Variants in RALYL observed in about 807,000 individuals in gnomAD.
RALYL encodes the protein RNA-binding Raly-like protein.
In RALYL, 29 loss-of-function variants were observed where a neutral mutation model predicts 35.1. That is an observed-to-expected ratio of 0.83 (90% CI 0.61 to 1.13). The LOEUF is 1.13. Among genes scored for constraint, RALYL ranks in the 50% most tolerant of loss-of-function variants. The probability of loss-of-function intolerance (pLI) is 0.00; values close to 1 mark genes in which losing one functional copy is unlikely to be tolerated. For synonymous variants in RALYL, 120 were observed against 127.6 expected, an observed-to-expected ratio of 0.94 and a Z score of 0.40; for missense variants, 359 against 360.4, an observed-to-expected ratio of 1.00 and a Z score of 0.03.
chr8:84,727,422 T>G (rs1845176144), intron 2 of RALYL, among the ~76,000 whole-genome samples: 1 of 152,102 alleles, frequency 6.6e-6, no homozygotes, highest in Non-Finnish European at 1.5e-5. Flanking sequence ...ATCTTTCTTA[T>G]TCCAGAGGAC....
chr8:84,468,183 A>G (rs1209826030), intron 1 of RALYL, among the ~76,000 whole-genome samples: 1 of 151,756 alleles, frequency 6.6e-6, no homozygotes, highest in Non-Finnish European at 1.5e-5. Context: ...TGATCCTGTC[A>G]TTATGATTAT....
Position 84,220,116 on chromosome 8 carries a change from AC to A in RALYL, c.-24+35694del, listed in dbSNP as rs1166973568. On this transcript the variant is annotated intron_variant, in intron 1 of 8. Coordinates refer to ENST00000521268, the MANE Select transcript of RALYL (RefSeq NM_173848.7). ...TGGATATGGTCAACCAGTGCTTCAT[AC>A]CAAGATAGCTAATTGTGTGTGGTAA... Among the ~76,000 whole-genome samples the A allele has an allele frequency of 1.2e-4, 19 of 152,148 alleles. 1 individual carries two copies. Among genetic ancestry groups the A allele is most frequent in the Non-Finnish European group, 2.8e-4 (19 of 67,964 alleles).
chr8:84,384,294 T>A (rs941103717), intron 1 of RALYL, among the ~76,000 whole-genome samples: 2 of 151,490 alleles, frequency 1.3e-5, no homozygotes, highest in Non-Finnish European at 3.0e-5. Flanking sequence ...AAAACGAAAA[T>A]CCTTTACAAA....
At chr8:84,187,220 G>T (rs899264315) in intron 1 of RALYL, among the ~76,000 whole-genome samples, 4 of 151,944 alleles carry the variant, frequency 2.6e-5, no homozygotes, top group East Asian at 1.9e-4. Flanking sequence ...AAATTTTCAA[G>T]AACTTTTTAT....
chr8:84,399,399 T>C (rs1230689435), intron 1 of RALYL, among the ~76,000 whole-genome samples: 1 of 152,160 alleles, frequency 6.6e-6, no homozygotes, highest in Non-Finnish European at 1.5e-5. Flanking sequence ...TACCAATAAG[T>C]GCAAACTCAA....
In RALYL at chr8:84,275,710, C is replaced by A. The variant is rs1264199687; in HGVS notation, c.-24+91286C>A. 2.6e-5 allele frequency among the ~76,000 whole-genome samples: 4 copies of A among 152,056 alleles called. No homozygotes were observed. In the East Asian group the frequency reaches 5.8e-4, roughly 22 times the overall value. On this transcript the variant is annotated intron_variant, in intron 1 of 8. Coordinates refer to ENST00000521268, the MANE Select transcript of RALYL (RefSeq NM_173848.7). ...TGCCAGCCTGCCCAACGCCTGGTAA[C>A]CAACATGCTACTTTCTACTCGGTGA... is the stretch of plus-strand genomic sequence containing the variant.
At chr8:84,784,122 C>T (rs1181550974) in intron 3 of RALYL, among the ~76,000 whole-genome samples, 3 of 152,144 alleles carry the variant, frequency 2.0e-5, no homozygotes, top group East Asian at 3.8e-4. Flanking sequence ...GCAGTTAGAA[C>T]CCTGTGCTCC....
intron 2 of RALYL, among the ~76,000 whole-genome samples, chr8:84,735,005 T>TTG (rs3068131): frequency 0.39 from 57,732 of 146,418 alleles, 11,687 homozygotes; most frequent in South Asian, 0.52. Context: ...ATAGATATGT[T>TTG]TGTGTGTGTG....
intron 1 of RALYL, among the ~76,000 whole-genome samples, chr8:84,492,075 A>G (rs180948637): frequency 3.3e-5 from 5 of 152,182 alleles, no homozygotes; most frequent in East Asian, 1.9e-4. Flanking sequence ...TATAAAAACT[A>G]TAAACTTTTT....
At chr8:84,792,620 C>T (rs777313239) in intron 3 of RALYL, among the ~76,000 whole-genome samples, 21 of 152,164 alleles carry the variant, frequency 1.4e-4, no homozygotes, top group Admixed American at 3.3e-4. Flanking sequence ...CCACCTTCTT[C>T]GACCCAGTAC....
intron 2 of RALYL, among the ~76,000 whole-genome samples, chr8:84,682,964 C>G (rs1315627407): frequency 1.3e-5 from 2 of 152,116 alleles, no homozygotes; most frequent in South Asian, 4.1e-4. Context: ...TTCCTGCTTT[C>G]TCCTGTGGGC....
intron 2 of RALYL, among the ~76,000 whole-genome samples, chr8:84,681,051 T>C (rs1188259949): frequency 2.0e-5 from 3 of 152,078 alleles, no homozygotes; most frequent in Admixed American, 2.0e-4. Context: ...AGGGATCCAG[T>C]TTCAGCTTTC....
At chr8:84,911,686 T>C (rs1252801485) in intron 8 of RALYL, among the ~76,000 whole-genome samples, 1 of 152,050 alleles carries the variant, frequency 6.6e-6, no homozygotes, top group Admixed American at 6.6e-5. Flanking sequence ...CACTCCCCCA[T>C]TTCATGTACC....
rs568995172 is a variant in RALYL at position 84,525,657 on chromosome 8, AT to A, written c.-23-3636del. On this transcript the variant is annotated intron_variant, in intron 1 of 8. Coordinates refer to ENST00000521268, the MANE Select transcript of RALYL (RefSeq NM_173848.7). Reference sequence around the variant, plus strand: ...ATATTAACTCACTGAGGCTCTGTATATTTTTTCAATGTTTTATCCCTATACT... The same window carrying A: ...ATATTAACTCACTGAGGCTCTGTATATTTTTCAATGTTTTATCCCTATACT... Among the ~76,000 whole-genome samples, 74 of 152,088 alleles carry A rather than the reference AT, an allele frequency of 4.9e-4. 1 individual carries two copies. The highest frequency in any genetic ancestry group is 9.0e-4 in the Non-Finnish European group (61 of 67,972).
chr8:84,697,962 A>G (rs1161497569), intron 2 of RALYL, among the ~76,000 whole-genome samples: 1 of 152,120 alleles, frequency 6.6e-6, no homozygotes, highest in African/African-American at 2.4e-5. Flanking sequence ...CCAAAATGAC[A>G]ATAACTCCAA....
chr8:84,263,172 T>C (rs1240805335), intron 1 of RALYL, among the ~76,000 whole-genome samples: 2 of 152,196 alleles, frequency 1.3e-5, no homozygotes, highest in Non-Finnish European at 2.9e-5. Context: ...AATTTTGGTC[T>C]TCAAAGTTCT....
intron 2 of RALYL, among the ~76,000 whole-genome samples, chr8:84,586,274 C>T (rs1811989536): frequency 6.6e-6 from 1 of 151,714 alleles, no homozygotes; most frequent in African/African-American, 2.4e-5. Context: ...CCTTGTTAAA[C>T]ACTATCATGT....
At chr8:84,253,480 G>A (rs970969733) in intron 1 of RALYL, among the ~76,000 whole-genome samples, 3 of 151,380 alleles carry the variant, frequency 2.0e-5, no homozygotes, top group Admixed American at 6.6e-5. Flanking sequence ...GATTACAGGC[G>A]TGAGCCACTG....
At chr8:84,836,743 T>C (rs1410217559) in intron 4 of RALYL, among the ~76,000 whole-genome samples, 2 of 152,206 alleles carry the variant, frequency 1.3e-5, no homozygotes, top group Admixed American at 6.5e-5. Context: ...AAGGATCCTG[T>C]AGATACACCT....
Sources: gnomAD v4.1 joint callset for allele counts (sites outside exome capture counted in the v4.1 genomes callset) on GRCh38, gnomAD v4.1.1 for gene constraint, MANE v1.5 for transcripts, NCBI Gene and HGNC (gene_info 2026-07-23, HGNC 2026-07-21) for gene names.